CDH18: variants seen among roughly 807,000 people sequenced by gnomAD.
CDH18 encodes the protein cadherin-18.
In CDH18, 31 loss-of-function variants were observed where a neutral mutation model predicts 67.9. The ratio of observed to expected loss-of-function variants is 0.46; its 90% CI spans 0.34 to 0.62. The LOEUF is 0.62. Among genes scored for constraint, CDH18 ranks in the 20% least tolerant of loss-of-function variants. The pLI is 0.01. For missense variants in CDH18, 890 were observed against 975.5 expected, an observed-to-expected ratio of 0.91 and a Z score of 1.17; for synonymous variants, 362 against 347.2, an observed-to-expected ratio of 1.04 and a Z score of -0.48.
intron 5 of CDH18, among the ~76,000 whole-genome samples, chr5:19,619,956 A>G (rs749915193): frequency 1.3e-5 from 2 of 152,190 alleles, no homozygotes; most frequent in Non-Finnish European, 2.9e-5. Flanking sequence ...ACTTAGCTGC[A>G]AGCTTGATGG....
intron 2 of CDH18, among the ~76,000 whole-genome samples, chr5:20,247,694 G>A (rs1477363069): frequency 6.6e-6 from 1 of 150,902 alleles, no homozygotes; most frequent in Non-Finnish European, 1.5e-5. Flanking sequence ...AACCCGGGAG[G>A]CAGAGGTTGC....
At chr5:19,778,276 C>G (rs150396313) in intron 3 of CDH18, among the ~76,000 whole-genome samples, 3 of 152,264 alleles carry the variant, frequency 2.0e-5, no homozygotes, top group Non-Finnish European at 4.4e-5. Flanking sequence ...CTCCCCGCAG[C>G]CAATATCTGA....
intron 2 of CDH18, among the ~76,000 whole-genome samples, chr5:20,009,246 C>T (rs1010109156): frequency 3.3e-5 from 5 of 152,018 alleles, no homozygotes; most frequent in Non-Finnish European, 7.4e-5. Context: ...TAGATATGAG[C>T]TTTTCTTTGT....
chr5:20,427,212 A>T (rs535966660), intron 1 of CDH18, among the ~76,000 whole-genome samples: 1 of 151,352 alleles, frequency 6.6e-6, no homozygotes, highest in East Asian at 1.9e-4. Flanking sequence ...TTGTATGATA[A>T]CTAAATACAA....
chr5:20,247,892 TTTAA>T (rs1234742159), intron 2 of CDH18, among the ~76,000 whole-genome samples: 2 of 152,100 alleles, frequency 1.3e-5, no homozygotes, highest in African/African-American at 4.8e-5. Flanking sequence ...TACAAGGAAT[TTTAA>T]TTAAAGTGGA....
intron 1 of CDH18, among the ~76,000 whole-genome samples, chr5:20,430,743 A>G (rs565870975): frequency 1.3e-5 from 2 of 152,326 alleles, no homozygotes; most frequent in Non-Finnish European, 2.9e-5. Flanking sequence ...CACCCAAAAT[A>G]TAAATGGAGA....
chr5:19,744,637 T>C (rs1451529345), intron 4 of CDH18, among the ~76,000 whole-genome samples: 1 of 152,154 alleles, frequency 6.6e-6, no homozygotes, highest in African/African-American at 2.4e-5. Context: ...ATTTTCAATT[T>C]CAACTGTTGA....
intron 2 of CDH18, among the ~76,000 whole-genome samples, chr5:19,870,759 G>A (rs1353480113): frequency 1.3e-5 from 2 of 152,124 alleles, no homozygotes; most frequent in East Asian, 1.9e-4. Flanking sequence ...TAGATGCTAC[G>A]TGGTCCAAGG....
intron 2 of CDH18, among the ~76,000 whole-genome samples, chr5:20,011,739 A>G (rs1737454689): frequency 6.6e-6 from 1 of 152,160 alleles, no homozygotes; most frequent in East Asian, 1.9e-4. Flanking sequence ...TGTTTATGTG[A>G]GGAATCACAA....
chr5:20,565,123 C>A (rs187130555), intron 1 of CDH18, among the ~76,000 whole-genome samples: 98 of 152,196 alleles, frequency 6.4e-4, no homozygotes, highest in African/African-American at 1.8e-3. Flanking sequence ...ACAATGTATC[C>A]CCGATGCAGA....
At chr5:20,153,325 T>C (rs970076823) in intron 2 of CDH18, among the ~76,000 whole-genome samples, 1 of 152,138 alleles carries the variant, frequency 6.6e-6, no homozygotes, top group African/African-American at 2.4e-5. Flanking sequence ...TTATTTATGC[T>C]GTTCTCAGAG....
chr5:19,755,672 A>T (rs1291494260), intron 3 of CDH18, among the ~76,000 whole-genome samples: 1 of 151,048 alleles, frequency 6.6e-6, no homozygotes, highest in Non-Finnish European at 1.5e-5. Context: ...TCACATGATC[A>T]CAACATCACA....
intron 9 of CDH18, among the ~76,000 whole-genome samples, chr5:19,525,575 A>C (rs1408628632): frequency 7.2e-5 from 11 of 152,216 alleles, no homozygotes; most frequent in African/African-American, 2.7e-4. Flanking sequence ...TCTGGTGCAA[A>C]TTCAATAACT....
intron 5 of CDH18, among the ~76,000 whole-genome samples, chr5:19,715,030 A>G (rs1765174080): frequency 6.6e-6 from 1 of 152,108 alleles, no homozygotes; most frequent in African/African-American, 2.4e-5. Flanking sequence ...TAATAGATAT[A>G]AAATATTGAC....
chr5:19,587,237 T>C (rs970432053), intron 7 of CDH18, among the ~76,000 whole-genome samples: 9 of 152,152 alleles, frequency 5.9e-5, no homozygotes, highest in African/African-American at 2.2e-4. Flanking sequence ...CAAAAGTAAT[T>C]GTGATTTTGC....
At chr5:20,548,658 G>C (rs1757472953) in intron 1 of CDH18, among the ~76,000 whole-genome samples, 1 of 152,130 alleles carries the variant, frequency 6.6e-6, no homozygotes. Context: ...GAAAAAACAA[G>C]TAATAATCTC....
At chr5:20,150,560 C>A (rs1751019106) in intron 2 of CDH18, among the ~76,000 whole-genome samples, 1 of 152,032 alleles carries the variant, frequency 6.6e-6, no homozygotes, top group South Asian at 2.1e-4. Context: ...CAGGTTTAGA[C>A]ACGTCTAGCA....
chr5:19,613,942 A>G (rs1749413665), intron 5 of CDH18, among the ~76,000 whole-genome samples: 1 of 152,104 alleles, frequency 6.6e-6, no homozygotes, highest in Admixed American at 6.6e-5. Context: ...ATGTATTTTC[A>G]TTAAAAATAT....
intron 3 of CDH18, among the ~76,000 whole-genome samples, chr5:19,832,300 C>T (rs748631754): frequency 5.9e-5 from 9 of 151,668 alleles, no homozygotes; most frequent in African/African-American, 9.7e-5. Flanking sequence ...TATTTTATAA[C>T]GTAAAATATA....
Sources: allele counts gnomAD v4.1 joint callset (sites outside exome capture counted in the v4.1 genomes callset), GRCh38; gene constraint gnomAD v4.1.1; transcripts MANE v1.5; gene names NCBI Gene and HGNC (gene_info 2026-07-23, HGNC 2026-07-21).